Variants in ALKBH3 observed in about 807,000 individuals in gnomAD.
ALKBH3 encodes alkB homolog 3, alpha-ketoglutarate dependent dioxygenase, also known as alpha-ketoglutarate-dependent dioxygenase alkB homolog 3.
ALKBH3 carries 51 observed loss-of-function variants against 43.9 expected under a neutral mutation model. That is an observed-to-expected ratio of 1.16 (90% CI 0.93 to 1.47). The LOEUF (loss-of-function observed/expected upper bound fraction) is 1.47. Ranked by LOEUF, ALKBH3 falls within the 40% of genes most tolerant of loss-of-function variation. The probability of loss-of-function intolerance (pLI) is 0.00; values close to 1 mark genes in which losing one functional copy is unlikely to be tolerated. For synonymous variants in ALKBH3, 102 were observed against 115.2 expected (o/e 0.89, Z 0.73); for missense variants, 361 against 351.9 (o/e 1.03, Z -0.21).
intron 7 of ALKBH3, among the ~76,000 whole-genome samples, chr11:43,894,095 A>T (rs1473063389): frequency 6.6e-6 from 1 of 152,208 alleles, no homozygotes; most frequent in East Asian, 1.9e-4. Context: ...TCATTACCTG[A>T]AGCTTAATAT....
chr11:43,902,705 A>G (rs1314695779), intron 8 of ALKBH3, among the ~76,000 whole-genome samples: 1 of 152,140 alleles, frequency 6.6e-6, no homozygotes, highest in East Asian at 1.9e-4. Context: ...CAAGCGATTC[A>G]CTTGCGTTAG....
intron 6 of ALKBH3, among the ~76,000 whole-genome samples, chr11:43,891,592 C>T (rs1951783911): frequency 1.3e-5 from 2 of 152,158 alleles, no homozygotes; most frequent in Admixed American, 1.3e-4. Context: ...ACTTTTTCCT[C>T]CCTTGAATCA....
chr11:43,898,432 G>A (rs988658376), intron 7 of ALKBH3: 13 of 752,946 alleles, frequency 1.7e-5, no homozygotes, highest in South Asian at 6.0e-5. Flanking sequence ...GCATCATCAC[G>A]ACAAAGATGG....
intron 6 of ALKBH3, among the ~76,000 whole-genome samples, chr11:43,891,001 A>G (rs1951779935): frequency 6.6e-6 from 1 of 152,118 alleles, no homozygotes; most frequent in Admixed American, 6.5e-5. Context: ...ACTGTTTTTT[A>G]TTGTGGTATT....
intron 8 of ALKBH3, among the ~76,000 whole-genome samples, chr11:43,915,548 T>A (rs1031629695): frequency 6.6e-6 from 1 of 152,170 alleles, no homozygotes; most frequent in African/African-American, 2.4e-5. Flanking sequence ...TAAAAAAAAA[T>A]ACTGGTGTAT....
At chr11:43,918,134 GAA>G (rs1951998422) in intron 8 of ALKBH3, among the ~76,000 whole-genome samples, 6 of 152,326 alleles carry the variant, frequency 3.9e-5, no homozygotes, top group African/African-American at 1.4e-4. Context: ...TGGAGGTGAA[GAA>G]ATCAGGAAGC....
chr11:43,893,408 C>T (rs138161602), intron 7 of ALKBH3, among the ~76,000 whole-genome samples: 1 of 152,316 alleles, frequency 6.6e-6, no homozygotes, highest in East Asian at 1.9e-4. Flanking sequence ...AACACAGGAT[C>T]TGCTGAGTAA....
chr11:43,899,404 G>A (rs945361290), intron 7 of ALKBH3: 22 of 704,962 alleles, frequency 3.1e-5, no homozygotes, highest in South Asian at 6.9e-5. Flanking sequence ...AGATCTCTTC[G>A]CACAACTGTA....
chr11:43,900,613 T>A (rs1951856797), intron 7 of ALKBH3, among the ~76,000 whole-genome samples: 2 of 152,212 alleles, frequency 1.3e-5, no homozygotes, highest in Admixed American at 6.5e-5. Context: ...GTAACCCATA[T>A]AAACAAAAGT....
intron 8 of ALKBH3, among the ~76,000 whole-genome samples, chr11:43,914,625 G>A (rs1463370970): frequency 6.6e-6 from 1 of 152,046 alleles, no homozygotes; most frequent in East Asian, 1.9e-4. Flanking sequence ...GATGGGAAAA[G>A]ACTTTCTAAG....
At chr11:43,902,690 C>T (rs943407545) in intron 8 of ALKBH3, among the ~76,000 whole-genome samples, 6 of 152,202 alleles carry the variant, frequency 3.9e-5, no homozygotes, top group Non-Finnish European at 8.8e-5. Flanking sequence ...TCTGCCTCCC[C>T]AGTTCAAGCG....
At chr11:43,897,700 A>G in intron 7 of ALKBH3, 1 of 816,022 alleles carries the variant, frequency 1.2e-6, no homozygotes, top group Non-Finnish European at 2.2e-6. Context: ...TATTTTGTCC[A>G]GAAGAACTCA....
intron 7 of ALKBH3, chr11:43,899,386 G>C: frequency 1.4e-6 from 1 of 703,300 alleles, no homozygotes; most frequent in South Asian, 1.4e-5. Context: ...ATGTGCTCGC[G>C]TCCCTGCAGA....
chr11:43,884,123 G>A, intron 4 of ALKBH3, 106 bp downstream of exon 4: 1 of 1,319,898 alleles, frequency 7.6e-7, no homozygotes, highest in Admixed American at 1.8e-5. Context: ...CCCAATAAGT[G>A]TCTTAACTGT....
chr11:43,897,684 T>TA (rs1951829159), intron 7 of ALKBH3: 1 of 827,028 alleles, frequency 1.2e-6, no homozygotes, highest in Non-Finnish European at 2.2e-6. Context: ...AGGAGTTGAT[T>TA]ACGTTTATTT....
chr11:43,886,562 T>C, intron 4 of ALKBH3, 44 bp from the exon 5 acceptor site: 1 of 1,599,368 alleles, frequency 6.3e-7, no homozygotes, highest in South Asian at 1.1e-5. Context: ...TATAGCATAT[T>C]GTTTTGCCTC....
At position 43,897,711 on chromosome 11, in the gene ALKBH3, C is replaced by G. The variant is rs1202713546; in HGVS notation, c.460-3805C>G. The G allele has an allele frequency of 6.2e-6, 5 of 811,582 alleles. No individual in the cohort carries two copies. In the African/African-American group the frequency reaches 6.7e-5, roughly 11 times the overall value. 50.3% of individuals were successfully genotyped at this position (811,582 alleles called of 1,614,324 possible). A position where few individuals can be genotyped will look rare whatever the true frequency, so the allele number is the denominator to read the frequency against. ...CGTTTATTTTGTCCAGAAGAACTCA[C>G]TGAATTCTCGGGAACGTACTTTGCA... is the stretch of plus-strand genomic sequence containing the variant. On this transcript the variant is annotated intron_variant, in intron 7 of 9. Coordinates refer to ENST00000302708, the MANE Select transcript of ALKBH3 (RefSeq NM_139178.4).
At chr11:43,886,780 G>A (rs913690124) in intron 5 of ALKBH3, 127 bp downstream of exon 5, 7 of 924,902 alleles carry the variant, frequency 7.6e-6, no homozygotes, top group Non-Finnish European at 1.1e-5. Context: ...GCCATTAAAA[G>A]GAATGAAAGC....
At chr11:43,897,378 A>G (rs989368904) in intron 7 of ALKBH3, 5 of 715,954 alleles carry the variant, frequency 7.0e-6, no homozygotes, top group African/African-American at 6.9e-5. Context: ...TCCTCTCACC[A>G]TATTCAGCTT....
Sources: allele counts gnomAD v4.1 joint callset (sites outside exome capture counted in the v4.1 genomes callset), GRCh38; gene constraint gnomAD v4.1.1; transcripts MANE v1.5; gene names NCBI Gene and HGNC (gene_info 2026-07-23, HGNC 2026-07-21).